SNX30: variants seen among roughly 807,000 people sequenced by gnomAD.
SNX30 encodes sorting nexin family member 30.
SNX30 carries 24 observed loss-of-function variants against 46.4 expected under a neutral mutation model. That is an observed-to-expected ratio of 0.52 (90% confidence interval 0.37 to 0.73). The LOEUF (loss-of-function observed/expected upper bound fraction) is 0.73, where lower values mean the gene tolerates loss of function less well. SNX30 is among the 30% of genes least tolerant of loss of function. The pLI is 0.00. For missense variants in SNX30, 533 were observed against 555.7 expected (o/e 0.96, Z 0.41); for synonymous variants, 189 against 211.5 (o/e 0.89, Z 0.92).
intron 1 of SNX30, among the ~76,000 whole-genome samples, chr9:112,767,709 C>T (rs978056066): frequency 6.6e-6 from 1 of 152,104 alleles, no homozygotes; most frequent in Non-Finnish European, 1.5e-5. Context: ...CCCATCTCAG[C>T]CTCCTGAGTA....
At chr9:112,866,612 A>G (rs960742190) in intron 8 of SNX30, 11 of 456,868 alleles carry the variant, frequency 2.4e-5, no homozygotes, top group Admixed American at 2.2e-4. Flanking sequence ...AGAGTCACCA[A>G]GGAGGAATCA....
At chr9:112,782,123 A>T (rs887568240) in intron 1 of SNX30, among the ~76,000 whole-genome samples, 1 of 151,744 alleles carries the variant, frequency 6.6e-6, no homozygotes, top group Non-Finnish European at 1.5e-5. Context: ...CTGGAGTGCA[A>T]TGGTGCAACC....
At chr9:112,878,626 G>T (rs992348434), downstream of SNX30, 1 of 152,228 alleles carries the variant, frequency 6.6e-6, no homozygotes, top group African/African-American at 2.4e-5. Flanking sequence ...CCAGTGGAAG[G>T]AGACATCCCT....
At chr9:112,786,886 A>G (rs547460464) in intron 1 of SNX30, among the ~76,000 whole-genome samples, 41 of 152,266 alleles carry the variant, frequency 2.7e-4, no homozygotes, top group African/African-American at 7.9e-4. Context: ...TTTGGTTTAG[A>G]ATACCCTCTT....
intron 2 of SNX30, among the ~76,000 whole-genome samples, chr9:112,810,061 G>A (rs1387936822): frequency 1.3e-5 from 2 of 152,164 alleles, no homozygotes; most frequent in African/African-American, 4.8e-5. Context: ...GGAGAAGGAA[G>A]GGAAGTTTGT....
At chr9:112,768,966 C>T (rs1485840450) in intron 1 of SNX30, among the ~76,000 whole-genome samples, 3 of 152,022 alleles carry the variant, frequency 2.0e-5, no homozygotes, top group Non-Finnish European at 2.9e-5. Context: ...AACGGGCAGC[C>T]AAGATTGAGA....
At chr9:112,885,504 T>C (rs1434363667), downstream of SNX30, 2 of 151,846 alleles carry the variant, frequency 1.3e-5, no homozygotes, top group African/African-American at 4.8e-5. Flanking sequence ...AGAACCTCAC[T>C]TCAAAGGAAG....
In SNX30 at chr9:112,867,940, C is replaced by T. The variant is rs539672707; in HGVS notation, c.1255-844C>T. On this transcript the variant is annotated intron_variant, in intron 8 of 8. Transcript: ENST00000374232. The stretch of plus-strand genomic sequence containing the variant: ...TTTATGCAAGAGACTTTCCAAAGGG[C>T]GAATCATTTCTGCTCTCAGAGGACA... Among the ~76,000 whole-genome samples the T allele has an allele frequency of 7.2e-5, 11 of 152,324 alleles. No individual in the cohort carries two copies. In the East Asian group the frequency reaches 1.5e-3, roughly 21 times the overall value.
At chr9:112,804,190 G>T (rs111935965) in intron 1 of SNX30, among the ~76,000 whole-genome samples, 154 of 151,856 alleles carry the variant, frequency 1.0e-3, no homozygotes, top group African/African-American at 3.4e-3. Context: ...TTTAAATGGA[G>T]TTTCGCTCTT....
At chr9:112,790,755 G>T (rs564081156) in intron 1 of SNX30, among the ~76,000 whole-genome samples, 1 of 152,262 alleles carries the variant, frequency 6.6e-6, no homozygotes, top group Admixed American at 6.5e-5. Flanking sequence ...AGAACATTTA[G>T]TAAATATAGC....
intron 4 of SNX30, among the ~76,000 whole-genome samples, chr9:112,832,455 AGAGAGTGT>A (rs1165664826): frequency 6.1e-4 from 74 of 122,124 alleles, no homozygotes; most frequent in African/African-American, 2.3e-3. Context: ...AGAGAGAGAG[AGAGAGTGT>A]GTGTGTGTGT....
intron 6 of SNX30, among the ~76,000 whole-genome samples, chr9:112,848,270 C>T (rs1400928126): frequency 3.3e-5 from 5 of 152,120 alleles, no homozygotes; most frequent in Admixed American, 1.3e-4. Context: ...ACCCCACTGC[C>T]GGCTCGGGCC....
chr9:112,786,274 C>T lies in SNX30; in HGVS notation c.157-18502C>T, dbSNP rs191858294. On this transcript the variant is annotated intron_variant, in intron 1 of 8. Transcript: ENST00000374232. Reference sequence around the variant, plus strand: ...CTGGGACTATAGCCGTGCACCATCACGCTCTGCTAATCTTTTGTATTTTTT... The same window carrying T: ...CTGGGACTATAGCCGTGCACCATCATGCTCTGCTAATCTTTTGTATTTTTT... 4.4e-4 allele frequency among the ~76,000 whole-genome samples: 67 copies of T among 152,126 alleles called. No individual in the cohort carries two copies. In the East Asian group the frequency reaches 6.4e-3, roughly 14 times the overall value.
Position 112,836,307 on chromosome 9 carries a change from C to T in SNX30, c.712C>T (p.Arg238Trp), listed in dbSNP as rs752492225. Reference protein sequence around the residue: ...HVTGGYKLRTRPLEFAAIGDY... With the variant: ...HVTGGYKLRTWPLEFAAIGDY... ...CACTGGCGGCTACAAGCTGAGGACT[C>T]GGCCGCTTGAGTTTGCTGCCATAGG... Residue 238 changes from arginine (R) to tryptophan (W), a missense_variant, in exon 5 of 9, where the codon CGG becomes TGG. Physicochemically the swap from Arg to Trp is moderately radical, Grantham distance 101. Coordinates refer to ENST00000374232, the MANE Select transcript of SNX30 (RefSeq NM_001012994.2). 4.3e-6 allele frequency: 7 copies of T among 1,613,418 alleles called. No individual in the cohort carries two copies. The highest frequency in any genetic ancestry group is 3.3e-5 in the South Asian group (3 of 91,068).
chr9:112,756,753 G>T (rs1466172475), intron 1 of SNX30, among the ~76,000 whole-genome samples: 3 of 152,144 alleles, frequency 2.0e-5, no homozygotes, highest in Non-Finnish European at 2.9e-5. Flanking sequence ...GAGCCACTGC[G>T]CTCGGCTCCT....
intron 1 of SNX30, among the ~76,000 whole-genome samples, chr9:112,760,842 T>C (rs533856558): frequency 2.8e-4 from 42 of 152,216 alleles, no homozygotes; most frequent in Non-Finnish European, 5.4e-4. Flanking sequence ...CCCCACTAGC[T>C]GGGGGTATGT....
chr9:112,832,919 G>A (rs1840692296), intron 4 of SNX30, among the ~76,000 whole-genome samples: 2 of 148,592 alleles, frequency 1.3e-5, no homozygotes, highest in African/African-American at 4.9e-5. Flanking sequence ...ATCAAAATCC[G>A]ACTCCATATG....
intron 7 of SNX30, among the ~76,000 whole-genome samples, chr9:112,861,771 G>A (rs1588141995): frequency 6.6e-6 from 1 of 152,106 alleles, no homozygotes; most frequent in African/African-American, 2.4e-5. Flanking sequence ...TGTGTGTACC[G>A]CCACTCTGGA....
intron 1 of SNX30, among the ~76,000 whole-genome samples, chr9:112,795,913 A>G (rs1339375660): frequency 6.6e-6 from 1 of 152,148 alleles, no homozygotes; most frequent in African/African-American, 2.4e-5. Context: ...AGGTGTCTTC[A>G]AAGTATTGAG....
Sources: allele counts gnomAD v4.1 joint callset (sites outside exome capture counted in the v4.1 genomes callset), GRCh38; gene constraint gnomAD v4.1.1; transcripts MANE v1.5; gene names NCBI Gene and HGNC (gene_info 2026-07-23, HGNC 2026-07-21).